The following PCSK6 variants were observed in gnomAD, a reference collection of about 807,000 sequenced individuals.
The protein encoded by PCSK6 is proprotein convertase subtilisin/kexin type 6.
In PCSK6, 85 loss-of-function variants were observed where a neutral mutation model predicts 123.3. The ratio of observed to expected loss-of-function variants is 0.69; its 90% CI spans 0.58 to 0.83. The LOEUF (loss-of-function observed/expected upper bound fraction) is 0.83, where lower values mean the gene tolerates loss of function less well. PCSK6 is among the 40% of genes least tolerant of loss of function. The pLI is 0.00. For synonymous variants in PCSK6, 508 were observed against 516.0 expected, an observed-to-expected ratio of 0.98 and a Z score of 0.21; for missense variants, 1,191 against 1,282.3, an observed-to-expected ratio of 0.93 and a Z score of 1.09.
chr15:101,322,271 T>C (rs2040142685), intron 18 of PCSK6, among the ~76,000 whole-genome samples: 1 of 152,226 alleles, frequency 6.6e-6, no homozygotes, highest in African/African-American at 2.4e-5. Flanking sequence ...CCCTGTGCTG[T>C]ACGTGATGTG....
intron 18 of PCSK6, among the ~76,000 whole-genome samples, chr15:101,319,982 G>A (rs1443764873): frequency 6.6e-6 from 1 of 152,150 alleles, no homozygotes; most frequent in African/African-American, 2.4e-5. Flanking sequence ...AGGCTACCAT[G>A]TGGGACTCGT....
chr15:101,413,726 C>G (rs1335464402), intron 6 of PCSK6, among the ~76,000 whole-genome samples: 2 of 152,096 alleles, frequency 1.3e-5, no homozygotes, highest in Non-Finnish European at 2.9e-5. Flanking sequence ...GATAAACACC[C>G]AAGATGACGG....
intron 11 of PCSK6, 32 bp downstream of exon 11, chr15:101,382,060 G>T: frequency 6.7e-7 from 1 of 1,483,246 alleles, no homozygotes; most frequent in Non-Finnish European, 9.3e-7. Context: ...CCACGTGCCT[G>T]AGAAGTCACC....
intron 15 of PCSK6, among the ~76,000 whole-genome samples, chr15:101,330,312 T>C (rs1008236772): frequency 6.6e-6 from 1 of 152,194 alleles, no homozygotes; most frequent in African/African-American, 2.4e-5. Context: ...CCTCGCTCAC[T>C]TCCTCTATTT....
intron 13 of PCSK6, among the ~76,000 whole-genome samples, chr15:101,344,984 C>T (rs1420891849): frequency 2.0e-5 from 3 of 152,160 alleles, no homozygotes; most frequent in Admixed American, 6.5e-5. Flanking sequence ...AGGGGAGCAA[C>T]GAGTCTGTAT....
intron 11 of PCSK6, among the ~76,000 whole-genome samples, chr15:101,372,353 A>G (rs576230611): frequency 6.6e-6 from 1 of 152,338 alleles, no homozygotes; most frequent in East Asian, 1.9e-4. Flanking sequence ...GCTTGGCTCT[A>G]CTGGGCCCTG....
chr15:101,469,531 G>C (rs945769188), intron 1 of PCSK6, among the ~76,000 whole-genome samples: 12 of 152,188 alleles, frequency 7.9e-5, no homozygotes, highest in African/African-American at 2.4e-4. Context: ...AGAATCCTTA[G>C]TTAATTAATT....
chr15:101,379,676 C>G (rs28645975), intron 11 of PCSK6, among the ~76,000 whole-genome samples: 2 of 152,194 alleles, frequency 1.3e-5, no homozygotes, highest in African/African-American at 4.8e-5. Flanking sequence ...GACCCACAAA[C>G]GTGCACGGAG....
chr15:101,380,075 T>C (rs887873421), intron 11 of PCSK6, among the ~76,000 whole-genome samples: 4 of 152,176 alleles, frequency 2.6e-5, no homozygotes, highest in African/African-American at 9.6e-5. Flanking sequence ...AAAGATGACT[T>C]TTCTTCAGAA....
chr15:101,328,328 C>T (rs763390661), intron 15 of PCSK6, among the ~76,000 whole-genome samples: 2 of 152,270 alleles, frequency 1.3e-5, no homozygotes, highest in South Asian at 2.1e-4. Context: ...GACAGGGAGG[C>T]GGCAGACCAA....
intron 20 of PCSK6, among the ~76,000 whole-genome samples, chr15:101,310,825 G>A (rs910278896): frequency 6.6e-6 from 1 of 152,124 alleles, no homozygotes; most frequent in African/African-American, 2.4e-5. Flanking sequence ...GTGGTGAATC[G>A]GTACCCAGCT....
In PCSK6 at chr15:101,455,986, T is replaced by C. The variant is rs144650738; in HGVS notation, c.298-12326A>G. 1.2e-3 allele frequency among the ~76,000 whole-genome samples: 179 copies of C among 152,326 alleles called. 5 individuals are homozygous for C. The East Asian group carries it at 0.03, about 25-fold the overall frequency. On this transcript the variant is annotated intron_variant, in intron 1 of 21. Coordinates refer to ENST00000611716, the MANE Select transcript of PCSK6 (RefSeq NM_002570.5). Reference sequence around the variant, plus strand: ...AGTCAGGGGACCAGGTCCCAGCCCATCTCTGCACCCTTGCTGGCCACAGTT... The same window carrying C: ...AGTCAGGGGACCAGGTCCCAGCCCACCTCTGCACCCTTGCTGGCCACAGTT...
Position 101,457,848 on chromosome 15 carries a change from G to T in PCSK6, c.298-14188C>A, listed in dbSNP as rs56724318. ...TTTCTTATCCATAAAATGAGCCTGC[G>T]CTATCTGTCCAATTCCAGACTGAAA... On this transcript the variant is annotated intron_variant, in intron 1 of 21. Coordinates refer to ENST00000611716, the MANE Select transcript of PCSK6 (RefSeq NM_002570.5). 7.2e-5 allele frequency among the ~76,000 whole-genome samples: 11 copies of T among 152,178 alleles called. No homozygotes were observed. In the South Asian group the frequency reaches 2.3e-3, roughly 32 times the overall value.
At position 101,410,506 on chromosome 15, in the gene PCSK6, C is replaced by T. The variant is rs1314584854; in HGVS notation, c.824-11930G>A. ...AAGAAGAGGGGCTAGGAAATGCCTG[C>T]TGCCCTCTCTCGCTCCCTCCTGTGC... On this transcript the variant is annotated intron_variant, in intron 6 of 21. Coordinates refer to ENST00000611716, the MANE Select transcript of PCSK6 (RefSeq NM_002570.5). Among the ~76,000 whole-genome samples the T allele has an allele frequency of 2.0e-5, 3 of 152,326 alleles. No homozygotes were observed. In the East Asian group the frequency reaches 5.8e-4, roughly 29 times the overall value.
intron 1 of PCSK6, among the ~76,000 whole-genome samples, chr15:101,448,493 G>A (rs774628058): frequency 4.6e-5 from 7 of 152,220 alleles, no homozygotes; most frequent in Non-Finnish European, 1.0e-4. Context: ...CCCCCAGCCA[G>A]GGATCCTCAC....
chr15:101,447,731 G>A (rs1410484510), intron 1 of PCSK6, among the ~76,000 whole-genome samples: 4 of 152,258 alleles, frequency 2.6e-5, no homozygotes, highest in Non-Finnish European at 5.9e-5. Context: ...CAGCCTGGAC[G>A]TCCTGGGTGG....
At chr15:101,342,630 G>A (rs112679949) in intron 13 of PCSK6, among the ~76,000 whole-genome samples, 25,985 of 152,196 alleles carry the variant, frequency 0.17, 2,508 homozygotes, top group African/African-American at 0.25. Context: ...AGCTGGGCAC[G>A]GTGGCTCACG....
In PCSK6 at chr15:101,370,171, T is replaced by G. The variant is rs80166890; in HGVS notation, c.1721+164A>C. 4.0e-3 allele frequency among the ~76,000 whole-genome samples: 613 copies of G among 152,288 alleles called. 5 individuals are homozygous for G. The highest frequency in any genetic ancestry group is 0.014 in the African/African-American group (581 of 41,560). On this transcript the variant is annotated intron_variant, in intron 12 of 21. Coordinates refer to ENST00000611716, the MANE Select transcript of PCSK6 (RefSeq NM_002570.5). ...ACTTTTAAGGTTTTTGGGGCCTACA[T>G]GCAAGGGTCTCCAAGAGAAAGGAAG...
intron 1 of PCSK6, among the ~76,000 whole-genome samples, chr15:101,458,847 T>A (rs906612292): frequency 3.9e-5 from 6 of 152,194 alleles, no homozygotes; most frequent in African/African-American, 1.4e-4. Flanking sequence ...TGGGTATACC[T>A]CTGTCAGCTT....
Sources: gnomAD v4.1 joint callset for allele counts (sites outside exome capture counted in the v4.1 genomes callset) on GRCh38, gnomAD v4.1.1 for gene constraint, MANE v1.5 for transcripts, NCBI Gene and HGNC (gene_info 2026-07-23, HGNC 2026-07-21) for gene names.